Variants in TNFSF11 observed in about 807,000 individuals in gnomAD.
The protein encoded by TNFSF11 is TNF superfamily member 11.
Under a neutral mutation model 32.2 loss-of-function variants are expected in TNFSF11, and 12 were observed. The observed-to-expected ratio is 0.37, with a 90% confidence interval of 0.24 to 0.60. The LOEUF (loss-of-function observed/expected upper bound fraction) is 0.60. Ranked by LOEUF, TNFSF11 falls within the 20% of genes least tolerant of loss-of-function variation. The probability of loss-of-function intolerance (pLI) is 0.66; values close to 1 mark genes in which losing one functional copy is unlikely to be tolerated. For missense variants in TNFSF11, 345 were observed against 398.0 expected (o/e 0.87, Z 1.13); for synonymous variants, 172 against 152.1 (o/e 1.13, Z -0.96).
chr13:42,601,099 C>T, intron 4 of TNFSF11, 118 bp downstream of exon 4: 1 of 1,113,416 alleles, frequency 9.0e-7, no homozygotes, highest in Non-Finnish European at 1.3e-6. Context: ...TACTTCAAAG[C>T]CAAAGGAAAG....
intron 2 of TNFSF11, among the ~76,000 whole-genome samples, chr13:42,593,243 G>A (rs1868604162): frequency 6.6e-6 from 1 of 152,194 alleles, no homozygotes; most frequent in African/African-American, 2.4e-5. Flanking sequence ...AGGAACCTGG[G>A]ATGAAGACGA....
At chr13:42,586,219 A>T (rs1873891551) in intron 2 of TNFSF11, among the ~76,000 whole-genome samples, 1 of 152,246 alleles carries the variant, frequency 6.6e-6, no homozygotes, top group Non-Finnish European at 1.5e-5. Context: ...TGCAAGCTCC[A>T]TCAGGACAAG....
chr13:42,569,757 A>G (rs1872996294), upstream of TNFSF11, among the ~76,000 whole-genome samples: 1 of 151,976 alleles, frequency 6.6e-6, no homozygotes, highest in African/African-American at 2.4e-5. Context: ...CATAATAATA[A>G]CGAATGACTT....
At chr13:42,581,418 G>A (rs1873610684) in intron 2 of TNFSF11, 125 bp downstream of exon 2, 1 of 1,106,936 alleles carries the variant, frequency 9.0e-7, no homozygotes, top group African/African-American at 1.6e-5. Context: ...AAGAGCTACA[G>A]GGAATGCTTT....
rs571425807 is a variant in TNFSF11 at position 42,605,409 on chromosome 13, A to G, written c.533-1088A>G. ...ATTTTTGTACTTTCCACAGTATTAC[A>G]ACTTTCCCACCATTAGTTACCAGCT... On this transcript the variant is annotated intron_variant, in intron 4 of 4. Coordinates refer to ENST00000398795, the MANE Select transcript of TNFSF11 (RefSeq NM_003701.4). Among the ~76,000 whole-genome samples, 8 of 152,354 alleles carry G rather than the reference A, an allele frequency of 5.3e-5. No individual in the cohort carries two copies. In the South Asian group the frequency reaches 1.7e-3, roughly 32 times the overall value.
At chr13:42,563,289 G>A (rs1300744560) in intron 1 of TNFSF11, among the ~76,000 whole-genome samples, 1 of 152,086 alleles carries the variant, frequency 6.6e-6, no homozygotes, top group Non-Finnish European at 1.5e-5. Flanking sequence ...TATTAACTTG[G>A]GCCTCCTCTT....
intron 2 of TNFSF11, among the ~76,000 whole-genome samples, chr13:42,582,442 C>T (rs141420083): frequency 4.1e-4 from 63 of 152,242 alleles, no homozygotes; most frequent in African/African-American, 1.4e-3. Context: ...AATTTTCAGC[C>T]TACTTTGTTA....
At chr13:42,583,363 G>A (rs1228427024) in intron 2 of TNFSF11, among the ~76,000 whole-genome samples, 2 of 140,818 alleles carry the variant, frequency 1.4e-5, no homozygotes, top group Non-Finnish European at 1.5e-5. Context: ...AGTGAGCTGC[G>A]GTTGCACCAG....
upstream of TNFSF11, among the ~76,000 whole-genome samples, chr13:42,573,045 C>A (rs887783167): frequency 3.3e-5 from 5 of 151,928 alleles, no homozygotes; most frequent in Non-Finnish European, 5.9e-5. Context: ...TTGAAATTAT[C>A]TTTAGATTAT....
intron 2 of TNFSF11, among the ~76,000 whole-genome samples, chr13:42,593,268 A>C (rs1868606230): frequency 6.6e-6 from 1 of 152,184 alleles, no homozygotes; most frequent in African/African-American, 2.4e-5. Context: ...CATATTTCTT[A>C]TTATATTACA....
chr13:42,597,178 T>C (rs201050707), intron 2 of TNFSF11, among the ~76,000 whole-genome samples: 1 of 75,064 alleles, frequency 1.3e-5, no homozygotes, highest in East Asian at 4.4e-4. Context: ...CTTGAGGTTA[T>C]AGACAGTCAT....
chr13:42,605,816 A>G (rs895622232), intron 4 of TNFSF11, among the ~76,000 whole-genome samples: 5 of 152,218 alleles, frequency 3.3e-5, no homozygotes, highest in Non-Finnish European at 7.3e-5. Context: ...GGTGGGAGAC[A>G]CTTGGGCTAC....
intron 1 of TNFSF11, among the ~76,000 whole-genome samples, chr13:42,566,023 G>A (rs1872856964): frequency 6.6e-6 from 1 of 152,188 alleles, no homozygotes; most frequent in Admixed American, 6.5e-5. Flanking sequence ...TGAGGCTTTA[G>A]GACCTAAGGA....
chr13:42,592,951 A>G (rs1246625933), intron 2 of TNFSF11, among the ~76,000 whole-genome samples: 3 of 152,160 alleles, frequency 2.0e-5, no homozygotes, highest in African/African-American at 4.8e-5. Context: ...TTCCCCAGCC[A>G]TGCGGAACCG....
At chr13:42,565,582 A>G (rs1872840988) in intron 1 of TNFSF11, among the ~76,000 whole-genome samples, 1 of 152,256 alleles carries the variant, frequency 6.6e-6, no homozygotes, top group Non-Finnish European at 1.5e-5. Context: ...GAGGTTTGAA[A>G]TAAATAGTAT....
intron 2 of TNFSF11, among the ~76,000 whole-genome samples, chr13:42,582,695 T>A (rs996160266): frequency 6.6e-6 from 1 of 152,244 alleles, no homozygotes; most frequent in Non-Finnish European, 1.5e-5. Flanking sequence ...AGAATAGATG[T>A]ATATGTTTAA....
At chr13:42,604,803 A>T (rs1869362369) in intron 4 of TNFSF11, among the ~76,000 whole-genome samples, 1 of 151,994 alleles carries the variant, frequency 6.6e-6, no homozygotes, top group Non-Finnish European at 1.5e-5. Flanking sequence ...TTGTTTTTTG[A>T]GACAGAGTCT....
chr13:42,575,688 A>G (rs1873275279), intron 1 of TNFSF11, among the ~76,000 whole-genome samples: 1 of 152,224 alleles, frequency 6.6e-6, no homozygotes, highest in African/African-American at 2.4e-5. Flanking sequence ...TTCTAGAACT[A>G]GTGTGATTAC....
intron 1 of TNFSF11, among the ~76,000 whole-genome samples, chr13:42,576,377 C>T (rs947041706): frequency 7.3e-6 from 1 of 137,430 alleles, no homozygotes. Flanking sequence ...GGTGAGGAGT[C>T]AGGGCTTTCA....
Sources: allele counts gnomAD v4.1 joint callset (sites outside exome capture counted in the v4.1 genomes callset), GRCh38; gene constraint gnomAD v4.1.1; transcripts MANE v1.5; gene names NCBI Gene and HGNC (gene_info 2026-07-23, HGNC 2026-07-21).